Variants in RYR3 observed in about 807,000 individuals in gnomAD.
RYR3 encodes ryanodine receptor 3.
RYR3 carries 207 observed loss-of-function variants against 584.3 expected under a neutral mutation model. The observed-to-expected ratio is 0.35, with a 90% CI of 0.32 to 0.40. The LOEUF (loss-of-function observed/expected upper bound fraction) is 0.40. RYR3 is among the 10% of genes least tolerant of loss of function. The pLI, the probability that RYR3 is intolerant of heterozygous loss-of-function variation, is 1.00. For missense variants in RYR3, 5,616 were observed against 6,089.2 expected (o/e 0.92, Z 2.59); for synonymous variants, 2,416 against 2,248.5 (o/e 1.07, Z -2.11).
intron 69 of RYR3, among the ~76,000 whole-genome samples, chr15:33,803,236 C>A (rs1434469799): frequency 6.6e-6 from 1 of 152,202 alleles, no homozygotes; most frequent in Non-Finnish European, 1.5e-5. Context: ...TACGTACATA[C>A]AAAGTAGAGC....
intron 18 of RYR3, among the ~76,000 whole-genome samples, chr15:33,603,570 T>C (rs117080362): frequency 7.8e-4 from 119 of 152,362 alleles, no homozygotes; most frequent in Non-Finnish European, 1.3e-3. Context: ...CATGGTCTAG[T>C]GCAGATCACT....
chr15:33,461,662 A>G (rs1283395134), intron 1 of RYR3, among the ~76,000 whole-genome samples: 1 of 152,160 alleles, frequency 6.6e-6, no homozygotes, highest in African/African-American at 2.4e-5. Context: ...TTGCAACATA[A>G]AGGGATAAGT....
intron 28 of RYR3, 54 bp downstream of exon 28, chr15:33,644,573 AG>A (rs2061995366): frequency 7.2e-7 from 1 of 1,393,320 alleles, no homozygotes; most frequent in South Asian, 1.2e-5. Flanking sequence ...CAAGGCCCTA[AG>A]CTTGCCCTAA....
intron 3 of RYR3, among the ~76,000 whole-genome samples, chr15:33,516,980 C>T (rs984481367): frequency 6.6e-6 from 1 of 152,024 alleles, no homozygotes; most frequent in African/African-American, 2.4e-5. Flanking sequence ...TGTTCTTCTA[C>T]CTTTTATTTT....
intron 1 of RYR3, among the ~76,000 whole-genome samples, chr15:33,378,334 G>A (rs2040904218): frequency 6.6e-6 from 1 of 152,150 alleles, no homozygotes; most frequent in Non-Finnish European, 1.5e-5. Context: ...CCCTCTGCCT[G>A]TCCCAGCCTC....
At chr15:33,487,924 ATT>A (rs960007335) in intron 2 of RYR3, among the ~76,000 whole-genome samples, 3 of 152,300 alleles carry the variant, frequency 2.0e-5, no homozygotes, top group Non-Finnish European at 2.9e-5. Flanking sequence ...ACGTTCTGCT[ATT>A]TCTAACAGTC....
intron 1 of RYR3, among the ~76,000 whole-genome samples, chr15:33,451,983 TAATC>T (rs2047167498): frequency 6.6e-6 from 1 of 152,346 alleles, no homozygotes; most frequent in East Asian, 1.9e-4. Context: ...ATCACAGACT[TAATC>T]AAACTGTCTA....
chr15:33,750,284 C>T lies in RYR3; in HGVS notation c.8397C>T (p.Ser2799=), dbSNP rs761203090. The T allele has an allele frequency of 1.9e-6, 3 of 1,610,546 alleles. No homozygotes were observed. The highest frequency in any genetic ancestry group is 1.3e-5 in the African/African-American group (1 of 75,002). The change falls in exon 57 of 104, where the codon TCC becomes TCT. Residue 2799 remains serine, a splice_region_variant and synonymous_variant. Transcript: ENST00000634891. ...KFLQVNGIIV[S]RGMKDMELDA... is the part of the protein sequence containing the mutation. ...TCCAAGTGAATGGCATCATAGTTTC[C>T]AGGTAAGTCACCTTCCATGTGATGC...
intron 10 of RYR3, among the ~76,000 whole-genome samples, chr15:33,560,408 A>C (rs1457042394): frequency 6.6e-6 from 1 of 152,042 alleles, no homozygotes; most frequent in Non-Finnish European, 1.5e-5. Context: ...ATACAGAATA[A>C]TGATTCATTT....
intron 1 of RYR3, among the ~76,000 whole-genome samples, chr15:33,450,349 A>G (rs544945747): frequency 6.6e-6 from 1 of 152,290 alleles, no homozygotes; most frequent in Non-Finnish European, 1.5e-5. Flanking sequence ...TGGATTTCTA[A>G]GGCTAGAAGG....
At chr15:33,388,233 T>A (rs1456736923) in intron 1 of RYR3, among the ~76,000 whole-genome samples, 1 of 152,180 alleles carries the variant, frequency 6.6e-6, no homozygotes, top group East Asian at 1.9e-4. Context: ...TGAGTGAAAA[T>A]TATCTTCAAT....
chr15:33,466,643 T>G (rs1433987920), intron 1 of RYR3, among the ~76,000 whole-genome samples: 2 of 152,226 alleles, frequency 1.3e-5, no homozygotes, highest in African/African-American at 4.8e-5. Context: ...TCATAATGTG[T>G]GCAAAATGAG....
intron 94 of RYR3, among the ~76,000 whole-genome samples, chr15:33,848,824 CTCTTT>C (rs2078892956): frequency 9.0e-6 from 1 of 111,216 alleles, no homozygotes; most frequent in Admixed American, 8.8e-5. Flanking sequence ...CTCTGAAGTC[CTCTTT>C]TTTTTTTTTT....
intron 1 of RYR3, among the ~76,000 whole-genome samples, chr15:33,353,100 C>G (rs1973497640): frequency 1.3e-5 from 2 of 152,114 alleles, no homozygotes; most frequent in African/African-American, 2.4e-5. Context: ...TTCTTCATTC[C>G]TCTTCTCTAA....
intron 1 of RYR3, among the ~76,000 whole-genome samples, chr15:33,357,591 A>G (rs945739867): frequency 1.3e-5 from 2 of 152,214 alleles, no homozygotes; most frequent in African/African-American, 4.8e-5. Context: ...CCTGCTTAAA[A>G]CAGGCAATAA....
intron 12 of RYR3, among the ~76,000 whole-genome samples, chr15:33,577,811 T>G (rs1567579108): frequency 6.6e-6 from 1 of 152,122 alleles, no homozygotes; most frequent in Admixed American, 6.5e-5. Context: ...CCAAAGAAAC[T>G]ATCATCAGAG....
chr15:33,354,349 C>T (rs1193865875), intron 1 of RYR3, among the ~76,000 whole-genome samples: 1 of 152,228 alleles, frequency 6.6e-6, no homozygotes, highest in Non-Finnish European at 1.5e-5. Context: ...CCCTCCCTCA[C>T]TTCTGGTAGA....
chr15:33,834,918 A>C, intron 86 of RYR3, 50 bp from the exon 87 acceptor site: 1 of 1,488,958 alleles, frequency 6.7e-7, no homozygotes, highest in Non-Finnish European at 9.3e-7. Context: ...GACAGGTTTC[A>C]GAGCAACTTG....
intron 5 of RYR3, among the ~76,000 whole-genome samples, chr15:33,538,203 T>C (rs2055500665): frequency 6.6e-6 from 1 of 152,218 alleles, no homozygotes; most frequent in South Asian, 2.1e-4. Flanking sequence ...TCCTCGGTTG[T>C]CAGGTGGTCC....
Sources: allele counts gnomAD v4.1 joint callset (sites outside exome capture counted in the v4.1 genomes callset), GRCh38; gene constraint gnomAD v4.1.1; transcripts MANE v1.5; gene names NCBI Gene and HGNC (gene_info 2026-07-23, HGNC 2026-07-21).